Variants in BABAM2 observed in about 807,000 individuals in gnomAD.
BABAM2 encodes the protein BRISC and BRCA1-A complex member 2.
BABAM2 carries 31 observed loss-of-function variants against 54.7 expected under a neutral mutation model. That is an observed-to-expected ratio of 0.57 (90% confidence interval 0.43 to 0.77). The LOEUF (loss-of-function observed/expected upper bound fraction) is 0.77, where lower values mean the gene tolerates loss of function less well. BABAM2 is among the 30% of genes least tolerant of loss of function. The pLI is 0.00. For missense variants in BABAM2, 364 were observed against 455.8 expected (o/e 0.80, Z 1.83); for synonymous variants, 167 against 162.9 (o/e 1.03, Z -0.19).
At chr2:27,964,135 C>T (rs1670675711) in intron 3 of BABAM2, among the ~76,000 whole-genome samples, 1 of 152,070 alleles carries the variant, frequency 6.6e-6, no homozygotes, top group Middle Eastern at 3.2e-3. Flanking sequence ...GATTAGTTCC[C>T]AAGAGAGTGG....
At chr2:28,112,363 CT>C (rs1668211669) in intron 6 of BABAM2, among the ~76,000 whole-genome samples, 1 of 150,658 alleles carries the variant, frequency 6.6e-6, no homozygotes, top group Admixed American at 6.6e-5. Context: ...CCCTAGCCCC[CT>C]ACCCCCTGAC....
chr2:28,013,246 C>G, intron 4 of BABAM2: 1 of 409,580 alleles, frequency 2.4e-6, no homozygotes, highest in South Asian at 1.8e-5. Context: ...TCCAAAGATT[C>G]TGACACCCTG....
At chr2:28,119,406 C>T (rs898807014) in intron 6 of BABAM2, among the ~76,000 whole-genome samples, 3 of 152,138 alleles carry the variant, frequency 2.0e-5, no homozygotes, top group Non-Finnish European at 4.4e-5. Flanking sequence ...ACCTCTCTGG[C>T]CTCCAGAGTA....
chr2:28,334,878 G>C (rs570099447), intron 11 of BABAM2, among the ~76,000 whole-genome samples: 1 of 152,266 alleles, frequency 6.6e-6, no homozygotes, highest in African/African-American at 2.4e-5. Flanking sequence ...TAGGTCTGGA[G>C]CTCTGTCACA....
At chr2:27,919,200 A>G (rs1667188394) in intron 2 of BABAM2, among the ~76,000 whole-genome samples, 1 of 152,202 alleles carries the variant, frequency 6.6e-6, no homozygotes, top group Non-Finnish European at 1.5e-5. Flanking sequence ...AATACAATAG[A>G]CTTCTATGTA....
Position 28,112,153 on chromosome 2 carries a change from C to CTCTTTCTTTCTTTCTTTCTTTCTTT in BABAM2, c.571-17118_571-17117insTCTTTCTTTCTTTCTTTCTTTCTTT, listed in dbSNP as rs1558346881. On this transcript the variant is annotated intron_variant, in intron 6 of 11. Coordinates refer to ENST00000379624, the MANE Select transcript of BABAM2 (RefSeq NM_199191.3). ...TCTTTCTTTCTTTCTTTCTTTACCT[C>CTCTTTCTTTCTTTCTTTCTTTCTTT]CCTCCCTCCCTCCCTCCCTCCCTCC... 2.5e-4 allele frequency among the ~76,000 whole-genome samples: 2 copies of CTCTTTCTTTCTTTCTTTCTTTCTTT among 7,922 alleles called. 1 individual carries two copies. Among genetic ancestry groups the CTCTTTCTTTCTTTCTTTCTTTCTTT allele is most frequent in the Non-Finnish European group, 3.9e-4 (2 of 5,076 alleles). 5.2% of individuals were successfully genotyped at this position (7,922 alleles called of 152,430 possible).
intron 6 of BABAM2, among the ~76,000 whole-genome samples, chr2:28,073,548 G>T (rs1305182338): frequency 2.6e-5 from 4 of 152,076 alleles, no homozygotes; most frequent in Non-Finnish European, 4.4e-5. Flanking sequence ...ATAAATACGT[G>T]TTCATTGTAA....
intron 7 of BABAM2, among the ~76,000 whole-genome samples, chr2:28,187,023 T>C (rs1676377122): frequency 6.6e-6 from 1 of 152,180 alleles, no homozygotes; most frequent in Non-Finnish European, 1.5e-5. Flanking sequence ...GCTAGGATGG[T>C]CTCAATCTCC....
intron 6 of BABAM2, among the ~76,000 whole-genome samples, chr2:28,081,458 C>T (rs1665166951): frequency 2.0e-5 from 3 of 152,166 alleles, no homozygotes; most frequent in Admixed American, 1.3e-4. Flanking sequence ...TTACTTGGTA[C>T]AGAAAATGTT....
intron 6 of BABAM2, among the ~76,000 whole-genome samples, chr2:28,063,839 A>T (rs1679097616): frequency 6.6e-6 from 1 of 152,324 alleles, no homozygotes; most frequent in African/African-American, 2.4e-5. Context: ...ATCTTGACTC[A>T]TCCAGTAAGC....
At chr2:27,913,716 A>G (rs1666770647) in intron 2 of BABAM2, among the ~76,000 whole-genome samples, 1 of 152,190 alleles carries the variant, frequency 6.6e-6, no homozygotes, top group Non-Finnish European at 1.5e-5. Flanking sequence ...CAAGGAGAGA[A>G]TGTTTATAAT....
intron 5 of BABAM2, among the ~76,000 whole-genome samples, chr2:28,028,286 C>A (rs1676021853): frequency 6.6e-6 from 1 of 152,028 alleles, no homozygotes; most frequent in Non-Finnish European, 1.5e-5. Context: ...AGTGTGTGAG[C>A]AAGATAGAAG....
At chr2:28,055,040 GA>G (rs900299037) in intron 6 of BABAM2, among the ~76,000 whole-genome samples, 1 of 152,086 alleles carries the variant, frequency 6.6e-6, no homozygotes, top group African/African-American at 2.4e-5. Context: ...TAGACTGGAT[GA>G]AAAAAATGTG....
At chr2:28,261,766 TTCCCCTCCCC>T (rs954214584) in intron 10 of BABAM2, among the ~76,000 whole-genome samples, 1 of 148,218 alleles carries the variant, frequency 6.7e-6, no homozygotes, top group African/African-American at 2.5e-5. Context: ...CTCTCCTCCT[TTCCCCTCCCC>T]TCCCCTCCCC....
At chr2:28,334,619 G>A (rs1033379169) in intron 11 of BABAM2, among the ~76,000 whole-genome samples, 2 of 152,236 alleles carry the variant, frequency 1.3e-5, no homozygotes, top group African/African-American at 4.8e-5. Flanking sequence ...GCAGCCTGTC[G>A]ATCTCAGACC....
intron 6 of BABAM2, among the ~76,000 whole-genome samples, chr2:28,057,821 C>T (rs186352819): frequency 2.5e-4 from 38 of 152,220 alleles, no homozygotes; most frequent in Non-Finnish European, 3.1e-4. Context: ...ACATTTGGAA[C>T]GGCCTTGAAA....
chr2:28,043,432 A>C (rs930891874), intron 5 of BABAM2, among the ~76,000 whole-genome samples: 1 of 152,090 alleles, frequency 6.6e-6, no homozygotes, highest in African/African-American at 2.4e-5. Context: ...CCTGGCCTGG[A>C]GCATGTATTC....
At chr2:28,010,421 T>A (rs1674303110) in intron 4 of BABAM2, among the ~76,000 whole-genome samples, 1 of 152,142 alleles carries the variant, frequency 6.6e-6, no homozygotes, top group Admixed American at 6.5e-5. Context: ...TGCAGATAAA[T>A]GTAGGAAGCT....
intron 4 of BABAM2, among the ~76,000 whole-genome samples, chr2:28,000,159 G>A (rs72812555): frequency 0.079 from 11,931 of 151,942 alleles, 797 homozygotes; most frequent in African/African-American, 0.18. Flanking sequence ...ACTAAAGTCC[G>A]TACTTTATTC....
Sources: gnomAD v4.1 joint callset for allele counts (sites outside exome capture counted in the v4.1 genomes callset) on GRCh38, gnomAD v4.1.1 for gene constraint, MANE v1.5 for transcripts, NCBI Gene and HGNC (gene_info 2026-07-23, HGNC 2026-07-21) for gene names.